The following RIMS2 variants were observed in gnomAD, a reference collection of about 807,000 sequenced individuals.
RIMS2 encodes the protein regulating synaptic membrane exocytosis 2, also known as regulating synaptic membrane exocytosis protein 2.
Under a neutral mutation model 174.4 loss-of-function variants are expected in RIMS2, and 59 were observed. The observed-to-expected ratio is 0.34, with a 90% CI of 0.27 to 0.42. The LOEUF (loss-of-function observed/expected upper bound fraction) is 0.42. Among genes scored for constraint, RIMS2 ranks in the 10% least tolerant of loss-of-function variants. The pLI is 1.00. For synonymous variants in RIMS2, 606 were observed against 572.5 expected (o/e 1.06, Z -0.84); for missense variants, 1,620 against 1,666.3 (o/e 0.97, Z 0.48).
At chr8:104,044,307 A>C (rs2096657465) in intron 19 of RIMS2, among the ~76,000 whole-genome samples, 1 of 130,784 alleles carries the variant, frequency 7.6e-6, no homozygotes, top group African/African-American at 2.5e-5. Context: ...GTTAAGAACG[A>C]ATGCTGGTTG....
At chr8:103,935,663 G>C (rs2081074008) in intron 12 of RIMS2, among the ~76,000 whole-genome samples, 1 of 152,144 alleles carries the variant, frequency 6.6e-6, no homozygotes, top group Non-Finnish European at 1.5e-5. Flanking sequence ...CTAGAAAATT[G>C]TATTCCTATC....
chr8:103,547,056 A>G (rs1301148470), intron 1 of RIMS2, among the ~76,000 whole-genome samples: 2 of 152,220 alleles, frequency 1.3e-5, no homozygotes, highest in African/African-American at 4.8e-5. Context: ...ACAGACACAG[A>G]AAAACAAATT....
chr8:103,865,620 C>T (rs1235782344), intron 3 of RIMS2, among the ~76,000 whole-genome samples: 1 of 152,046 alleles, frequency 6.6e-6, no homozygotes, highest in Non-Finnish European at 1.5e-5. Context: ...TGGCTACCTT[C>T]ATTTCCTGAT....
At chr8:103,893,100 T>C (rs2099256595) in intron 4 of RIMS2, among the ~76,000 whole-genome samples, 1 of 152,060 alleles carries the variant, frequency 6.6e-6, no homozygotes. Context: ...ACTAATTCAA[T>C]ATTTCAAGAG....
At chr8:104,040,301 C>A (rs191271050) in intron 19 of RIMS2, among the ~76,000 whole-genome samples, 1 of 151,682 alleles carries the variant, frequency 6.6e-6, no homozygotes, top group East Asian at 1.9e-4. Context: ...TGATTCAAAG[C>A]TAAGTGTTTA....
At chr8:103,977,454 C>T (rs1210804852) in intron 16 of RIMS2, 1 of 152,124 alleles carries the variant, frequency 6.6e-6, no homozygotes, top group Non-Finnish European at 1.5e-5. Context: ...TAAAAGAATA[C>T]CTATGTAAAA....
At chr8:103,933,250 A>G (rs944579129) in intron 12 of RIMS2, among the ~76,000 whole-genome samples, 3 of 146,248 alleles carry the variant, frequency 2.1e-5, no homozygotes, top group Non-Finnish European at 3.0e-5. Flanking sequence ...CCGAGATCGC[A>G]CCACTGCACT....
intron 19 of RIMS2, among the ~76,000 whole-genome samples, chr8:104,227,313 C>A (rs1479362069): frequency 1.4e-5 from 2 of 145,604 alleles, no homozygotes; most frequent in African/African-American, 5.1e-5. Context: ...AGTAATAGTA[C>A]CTTACATGTT....
intron 1 of RIMS2, among the ~76,000 whole-genome samples, chr8:103,556,403 T>A (rs1850469234): frequency 6.6e-6 from 1 of 152,204 alleles, no homozygotes; most frequent in African/African-American, 2.4e-5. Context: ...TTTCTCAAGT[T>A]ATTTTCAGCT....
At chr8:103,696,770 G>T (rs2097105957) in intron 1 of RIMS2, among the ~76,000 whole-genome samples, 1 of 149,518 alleles carries the variant, frequency 6.7e-6, no homozygotes, top group South Asian at 2.1e-4. Context: ...GGCTGAGGTG[G>T]GAGAATTGCT....
intron 19 of RIMS2, among the ~76,000 whole-genome samples, chr8:104,132,165 C>A (rs1007260083): frequency 2.0e-5 from 3 of 152,002 alleles, no homozygotes; most frequent in Non-Finnish European, 2.9e-5. Context: ...AAGATAAATG[C>A]ATTTTAGAGT....
chr8:103,857,732 A>T (rs2099035868), intron 3 of RIMS2, among the ~76,000 whole-genome samples: 1 of 152,224 alleles, frequency 6.6e-6, no homozygotes, highest in Non-Finnish European at 1.5e-5. Flanking sequence ...AATAATAGTC[A>T]CCAGATCCAG....
chr8:103,733,880 T>G (rs2097646026), intron 2 of RIMS2, among the ~76,000 whole-genome samples: 1 of 152,158 alleles, frequency 6.6e-6, no homozygotes, highest in African/African-American at 2.4e-5. Flanking sequence ...CCAGATACTG[T>G]GATTGCTCAC....
chr8:104,096,974 TCA>T (rs2097774196), intron 19 of RIMS2, among the ~76,000 whole-genome samples: 1 of 152,198 alleles, frequency 6.6e-6, no homozygotes, highest in South Asian at 2.1e-4. Flanking sequence ...AGAATAAATC[TCA>T]GTCTTTATTG....
intron 10 of RIMS2, among the ~76,000 whole-genome samples, chr8:103,924,945 A>G (rs1227804296): frequency 6.6e-6 from 1 of 151,626 alleles, no homozygotes; most frequent in Non-Finnish European, 1.5e-5. Flanking sequence ...GGTTTATGCC[A>G]AGTAGGCTGT....
At chr8:103,515,545 C>T (rs921461901) in intron 1 of RIMS2, among the ~76,000 whole-genome samples, 1 of 152,102 alleles carries the variant, frequency 6.6e-6, no homozygotes, top group South Asian at 2.1e-4. Flanking sequence ...ATATTCTGAT[C>T]TCGTTTCTTT....
chr8:103,583,797 C>A (rs777788525), intron 1 of RIMS2, among the ~76,000 whole-genome samples: 1 of 152,058 alleles, frequency 6.6e-6, no homozygotes, highest in Non-Finnish European at 1.5e-5. Context: ...CTCAAAAGGG[C>A]AAGTGTAAGT....
At chr8:103,697,362 G>T in intron 2 of RIMS2, 66 bp downstream of exon 4, 1 of 1,230,716 alleles carries the variant, frequency 8.1e-7, no homozygotes, top group East Asian at 2.3e-5. Context: ...TCACGTTAGA[G>T]AGTATGTTAA....
chr8:103,599,363 T>A (rs2094602298), intron 1 of RIMS2, among the ~76,000 whole-genome samples: 1 of 149,922 alleles, frequency 6.7e-6, no homozygotes, highest in Non-Finnish European at 1.5e-5. Flanking sequence ...ATCTAGTATG[T>A]TTGACTCCAG....
Sources: allele counts gnomAD v4.1 joint callset (sites outside exome capture counted in the v4.1 genomes callset), GRCh38; gene constraint gnomAD v4.1.1; transcripts MANE v1.5; gene names NCBI Gene and HGNC (gene_info 2026-07-23, HGNC 2026-07-21).